DIPK2B: variants seen among roughly 807,000 people sequenced by gnomAD.
DIPK2B encodes divergent protein kinase domain 2B, also known as UPF0672 protein CXorf36.
Under a neutral mutation model 22.2 loss-of-function variants are expected in DIPK2B, and 15 were observed. That is an observed-to-expected ratio of 0.68 (90% CI 0.45 to 1.04). DIPK2B has a LOEUF of 1.04. DIPK2B is among the 50% of genes least tolerant of loss of function. DIPK2B has a pLI of 0.00. For synonymous variants in DIPK2B, 163 were observed against 153.2 expected, an observed-to-expected ratio of 1.06 and a Z score of -0.47; for missense variants, 345 against 348.3, an observed-to-expected ratio of 0.99 and a Z score of 0.08.
intron 2 of DIPK2B, among the ~76,000 whole-genome samples, chrX:45,167,588 T>C (rs1165454355): frequency 9.0e-6 from 1 of 110,891 alleles, no homozygotes; most frequent in Non-Finnish European, 1.9e-5. Flanking sequence ...CTAAAGGTCT[T>C]TCTGATTATT....
rs186642809 is a variant in DIPK2B, at chrX:45,156,060, G to A, written c.672+1655C>T. The stretch of plus-strand genomic sequence containing the variant: ...TGGCTCACTGCAACCTCCACCTCCC[G>A]GGTTCAAGCGATTCTCCTGCCTCAG... On this transcript the variant is annotated intron_variant, in intron 3 of 4. Coordinates refer to ENST00000398000, the MANE Select transcript of DIPK2B (RefSeq NM_176819.4). 5.3e-3 allele frequency among the ~76,000 whole-genome samples: 531 copies of A among 100,229 alleles called. 4 individuals are homozygous for A. The highest frequency in any genetic ancestry group is 0.018 in the African/African-American group (498 of 27,221). The allele number at this position is 100,229 out of a possible 115,157, so 87.0% of individuals were successfully genotyped here.
chrX:45,156,978 T>C (rs1322209096), intron 3 of DIPK2B, among the ~76,000 whole-genome samples: 2 of 107,769 alleles, frequency 1.9e-5, no homozygotes, highest in Non-Finnish European at 3.8e-5. Context: ...TCTTCCTCCT[T>C]CTCCTCCTCA....
rs1434899603 is a variant in DIPK2B at position 45,153,929 on chromosome X, G to A, written c.942C>T (p.Gly314=). ...HLFIRDASAV[G]VIDKQEGSQE... The stretch of plus-strand genomic sequence containing the variant: ...GAGTACCTTCCTGCTTGTCGATGAC[G>A]CCCACTGCACTGGCATCCCGGATGA... Residue 314 remains glycine (G), a synonymous_variant, in exon 4 of 5, where the codon GGC becomes GGT. Transcript: ENST00000398000. 3.3e-6 allele frequency: 4 copies of A among 1,209,446 alleles called. No individual in the cohort carries two copies. The highest frequency in any genetic ancestry group is 4.4e-5 in the Admixed American group (2 of 45,838).
chrX:45,179,944 G>T (rs72628907), intron 2 of DIPK2B, among the ~76,000 whole-genome samples: 12,820 of 110,965 alleles, frequency 0.12, 777 homozygotes, highest in East Asian at 0.43. Context: ...CATACTGAGG[G>T]TATATTAAAA....
At chrX:45,152,015 TAC>T (rs1462589410) in intron 4 of DIPK2B, 23 bp from the exon 5 acceptor site, 2 of 1,127,956 alleles carry the variant, frequency 1.8e-6, no homozygotes, top group Non-Finnish European at 2.4e-6. Context: ...TGGGAAGTAT[TAC>T]ACACCCTGCC....
At chrX:45,161,266 G>A (rs774195103) in intron 2 of DIPK2B, among the ~76,000 whole-genome samples, 5 of 112,389 alleles carry the variant, frequency 4.4e-5, no homozygotes, top group Admixed American at 3.8e-4. Context: ...TTTTGGCCAG[G>A]CACGGTTGCC....
Position 45,157,774 on chromosome X carries a change from G to T in DIPK2B, c.613C>A (p.Arg205Ser), listed in dbSNP as rs1341702920. The change falls in exon 3 of 5, where the codon CGT (arginine) becomes AGT (serine). Residue 205 changes from arginine (R) to serine (S), a missense_variant. Coordinates refer to ENST00000398000, the MANE Select transcript of DIPK2B (RefSeq NM_176819.4). ...GSIFMDHFTD[R>S]DKLRLLYTLA... Reference sequence around the variant, plus strand: ...GTGTAGAGCAGGCGCAGCTTGTCACGGTCGGTGAAGTGGTCCATGAAGATG... The same window carrying T: ...GTGTAGAGCAGGCGCAGCTTGTCACTGTCGGTGAAGTGGTCCATGAAGATG... 5 of 1,194,324 alleles carry T rather than the reference G, an allele frequency of 4.2e-6. No homozygotes were observed. The highest frequency in any genetic ancestry group is 4.5e-6 in the Non-Finnish European group (4 of 887,434).
chrX:45,185,373 G>C lies in DIPK2B; in HGVS notation c.498+6378C>G, dbSNP rs765160383. On this transcript the variant is annotated intron_variant, in intron 2 of 4. Transcript: ENST00000398000. ...AAGGATGCCTTGATTTTTTAAAAAA[G>C]GGGCTTGATTGGTAACATCTAAGTT... 1.3e-4 allele frequency among the ~76,000 whole-genome samples: 15 copies of C among 111,397 alleles called. No homozygotes were observed. The South Asian group carries it at 5.7e-3, about 42-fold the overall frequency.
intron 2 of DIPK2B, among the ~76,000 whole-genome samples, chrX:45,170,653 G>A (rs548983929): frequency 1.8e-5 from 2 of 112,175 alleles, no homozygotes; most frequent in East Asian, 2.8e-4. Context: ...TTAAATCAGA[G>A]GAGGAACTAT....
At chrX:45,187,457 G>GGCGC (rs71673131) in intron 2 of DIPK2B, among the ~76,000 whole-genome samples, 134 of 84,332 alleles carry the variant, frequency 1.6e-3, no homozygotes, top group Non-Finnish European at 2.0e-3. Flanking sequence ...CATGCTCGAG[G>GGCGC]GCGCGCGCGC....
Position 45,191,576 on chromosome X carries a change from C to T in DIPK2B, c.498+175G>A, listed in dbSNP as rs1048817873. ...AGTGGGATGGAACCTTATAAGTAAACCTTGTTTAGTTCCTGTCTTACCGTA... is the reference window on the plus strand; with the variant it reads ...AGTGGGATGGAACCTTATAAGTAAATCTTGTTTAGTTCCTGTCTTACCGTA... On this transcript the variant is annotated intron_variant, in intron 2 of 4. Coordinates refer to ENST00000398000, the MANE Select transcript of DIPK2B (RefSeq NM_176819.4). The T allele has an allele frequency of 4.2e-5, 22 of 526,545 alleles. No individual in the cohort carries two copies. In the African/African-American group the frequency reaches 5.2e-4, roughly 12 times the overall value. The allele number at this position is 526,545 out of a possible 1,213,427, so 43.4% of individuals were successfully genotyped here.
Position 45,151,104 on chromosome X carries a change from T to C in DIPK2B, c.*548A>G, listed in dbSNP as rs1489098256. On this transcript the variant is annotated 3_prime_UTR_variant, in exon 5 of 5. Coordinates refer to ENST00000398000, the MANE Select transcript of DIPK2B (RefSeq NM_176819.4). Reference sequence around the variant, plus strand: ...GCAGTCTCCTCATCCCGCGATGGTGTGGGGAGTGACGCAGGGCCATAGGGA... The same window carrying C: ...GCAGTCTCCTCATCCCGCGATGGTGCGGGGAGTGACGCAGGGCCATAGGGA... 9.0e-6 allele frequency: 1 copy of C among 111,261 alleles called. No homozygotes were observed. Among genetic ancestry groups the C allele is most frequent in the East Asian group, 2.8e-4 (1 of 3,510 alleles). The allele number at this position is 111,261 out of a possible 1,213,427, so 9.2% of individuals were successfully genotyped here.
intron 1 of DIPK2B, among the ~76,000 whole-genome samples, chrX:45,200,107 G>A (rs1218902757): frequency 4.5e-5 from 5 of 111,540 alleles, no homozygotes; most frequent in Admixed American, 3.8e-4. Flanking sequence ...ACACGATGTT[G>A]TAAGATACAT....
intron 2 of DIPK2B, among the ~76,000 whole-genome samples, chrX:45,181,463 A>G (rs2047151820): frequency 8.9e-6 from 1 of 112,318 alleles, no homozygotes; most frequent in African/African-American, 3.2e-5. Flanking sequence ...GGCTCACTAT[A>G]CACCTACAGT....
chrX:45,161,463 G>A (rs1218413998), intron 2 of DIPK2B, among the ~76,000 whole-genome samples: 2 of 112,258 alleles, frequency 1.8e-5, no homozygotes, highest in Non-Finnish European at 1.9e-5. Flanking sequence ...GATCACTTGA[G>A]AACAGGAGGT....
intron 2 of DIPK2B, among the ~76,000 whole-genome samples, chrX:45,165,883 T>G (rs1309475854): frequency 5.4e-5 from 6 of 111,080 alleles, no homozygotes; most frequent in African/African-American, 1.6e-4. Context: ...ATTCAGTACA[T>G]TAGTACGTAT....
chrX:45,170,364 G>A lies in DIPK2B; in HGVS notation c.499-12476C>T, dbSNP rs778821193. On this transcript the variant is annotated intron_variant, in intron 2 of 4. Coordinates refer to ENST00000398000, the MANE Select transcript of DIPK2B (RefSeq NM_176819.4). ...GCCAGGCCACTGGCACTCACCCACC[G>A]ACTCCTGTCTTAGATCAGCACCCAC... Among the ~76,000 whole-genome samples the A allele has an allele frequency of 5.4e-5, 6 of 111,330 alleles. No individual in the cohort carries two copies. The South Asian group carries it at 1.9e-3, about 35-fold the overall frequency.
Position 45,151,693 on chromosome X carries a change from CAA to C in DIPK2B, c.1259_1260del (p.Phe420CysfsTer10). 1 of 1,211,865 alleles carries C rather than the reference CAA, an allele frequency of 8.3e-7. No homozygotes were observed. Among genetic ancestry groups the C allele is most frequent in the Non-Finnish European group, 1.1e-6 (1 of 895,456 alleles). On this transcript the variant is annotated frameshift_variant, in exon 5 of 5. Coordinates refer to ENST00000398000, the MANE Select transcript of DIPK2B (RefSeq NM_176819.4). LOFTEE classifies it high-confidence loss of function. The stretch of plus-strand genomic sequence containing the variant: ...TATTTGCAATCTGGGTAACGATAGG[CAA>C]ATCTGGAGTCACACGTTCTCAGGGG... ...LRPLRTCDSR[F>X]AYRYPDCKYN...
intron 1 of DIPK2B, among the ~76,000 whole-genome samples, chrX:45,192,970 C>T (rs867876618): frequency 2.0e-4 from 22 of 111,856 alleles, no homozygotes; most frequent in African/African-American, 6.2e-4. Flanking sequence ...GTAGAGACAA[C>T]GTTTTACCAT....
Sources: allele counts gnomAD v4.1 joint callset (sites outside exome capture counted in the v4.1 genomes callset), GRCh38; gene constraint gnomAD v4.1.1; transcripts MANE v1.5; gene names NCBI Gene and HGNC (gene_info 2026-07-23, HGNC 2026-07-21).